The following DPP6 variants were observed in gnomAD, a reference collection of about 807,000 sequenced individuals.
DPP6 encodes dipeptidyl peptidase like 6.
Under a neutral mutation model 122.6 loss-of-function variants are expected in DPP6, and 69 were observed. That is an observed-to-expected ratio of 0.56 (90% confidence interval 0.46 to 0.69). The LOEUF is 0.69. Ranked by LOEUF, DPP6 falls within the 30% of genes least tolerant of loss-of-function variation. The pLI, the probability that DPP6 is intolerant of heterozygous loss-of-function variation, is 0.00. For missense variants in DPP6, 928 were observed against 1,116.9 expected (o/e 0.83, Z 2.41); for synonymous variants, 418 against 433.1 (o/e 0.97, Z 0.43).
In DPP6 at chr7:154,446,235, C is replaced by T; in HGVS notation, c.265C>T (p.Pro89Ser). 1.2e-6 allele frequency: 2 copies of T among 1,608,512 alleles called. No individual in the cohort carries two copies. The highest frequency in any genetic ancestry group is 1.7e-6 in the Non-Finnish European group (2 of 1,177,150). The part of the protein sequence containing the change: ...EEDELVGSNP[P>S]QRNWKGIAIA... The stretch of plus-strand genomic sequence containing the variant: ...TTAGGAGCTGGTGGGGAGTAACCCT[C>T]CGCAGAGGAATTGGAAAGGAATAGC... The change falls in exon 2 of 26, where the codon CCG becomes TCG. Residue 89 changes from proline (P) to serine (S), a missense_variant. Coordinates refer to ENST00000377770, the MANE Select transcript of DPP6 (RefSeq NM_130797.4).
rs753019770 is a variant in DPP6 at position 154,383,129 on chromosome 7, CAT to C, written c.244-63083_244-63082del. On this transcript the variant is annotated intron_variant, in intron 1 of 25. Transcript: ENST00000377770. ...AAATGAACCTGCTGACAAGGTGGAACATAATTCACAGACTACAGCTGTTATTA... is the reference window on the plus strand; with the variant it reads ...AAATGAACCTGCTGACAAGGTGGAACAATTCACAGACTACAGCTGTTATTA... 3.3e-5 allele frequency among the ~76,000 whole-genome samples: 5 copies of C among 152,314 alleles called. No individual in the cohort carries two copies. In the East Asian group the frequency reaches 7.7e-4, roughly 24 times the overall value.
At chr7:154,319,090 C>T (rs1057024657) in intron 1 of DPP6, among the ~76,000 whole-genome samples, 7 of 152,244 alleles carry the variant, frequency 4.6e-5, no homozygotes, top group African/African-American at 7.2e-5. Flanking sequence ...GAAGTCTGGA[C>T]ACCATGGAAT....
At chr7:154,698,602 A>C (rs1009267006) in intron 7 of DPP6, among the ~76,000 whole-genome samples, 5 of 152,210 alleles carry the variant, frequency 3.3e-5, no homozygotes, top group African/African-American at 1.2e-4. Context: ...TTCTATAGTT[A>C]ATTAAATTCA....
At chr7:154,301,870 T>C (rs1347295237) in intron 1 of DPP6, among the ~76,000 whole-genome samples, 1 of 136,100 alleles carries the variant, frequency 7.3e-6, no homozygotes, top group East Asian at 2.2e-4. Context: ...CAGGCTGGAG[T>C]GCAGTGGTGC....
intron 1 of DPP6, among the ~76,000 whole-genome samples, chr7:154,333,278 T>C (rs1809116016): frequency 6.6e-6 from 1 of 152,180 alleles, no homozygotes; most frequent in Non-Finnish European, 1.5e-5. Context: ...TGAGTGTTAT[T>C]GGACTTTGAT....
chr7:154,204,988 A>G (rs1358044220), intron 1 of DPP6, among the ~76,000 whole-genome samples: 1 of 152,182 alleles, frequency 6.6e-6, no homozygotes, highest in Middle Eastern at 3.2e-3. Flanking sequence ...CTTAGATCAT[A>G]GCCTGCTCCA....
intron 1 of DPP6, among the ~76,000 whole-genome samples, chr7:154,018,508 A>T (rs1485326500): frequency 6.6e-6 from 1 of 152,218 alleles, no homozygotes; most frequent in South Asian, 2.1e-4. Flanking sequence ...GGAACAGGCA[A>T]GTGTCCCTAT....
At chr7:154,081,654 AG>A (rs1174376251) in intron 1 of DPP6, among the ~76,000 whole-genome samples, 1 of 148,936 alleles carries the variant, frequency 6.7e-6, no homozygotes, top group Non-Finnish European at 1.5e-5. Context: ...GAGAAAATCA[AG>A]GGACGTCAAG....
At chr7:154,889,248 G>C in intron 23 of DPP6, 24 bp from the exon 24 acceptor site, 1 of 1,609,870 alleles carries the variant, frequency 6.2e-7, no homozygotes, top group Non-Finnish European at 8.5e-7. Context: ...CCCTAACTCT[G>C]TCCCCTTGCC....
At chr7:154,438,972 C>T (rs895904257) in intron 1 of DPP6, among the ~76,000 whole-genome samples, 3 of 152,112 alleles carry the variant, frequency 2.0e-5, no homozygotes, top group East Asian at 1.9e-4. Flanking sequence ...AGGGCAGCTC[C>T]GATCATTCTG....
intron 3 of DPP6, among the ~76,000 whole-genome samples, chr7:154,522,102 T>C (rs952274630): frequency 6.6e-6 from 1 of 152,136 alleles, no homozygotes; most frequent in Non-Finnish European, 1.5e-5. Flanking sequence ...TAGCTGGGAC[T>C]ACAGGCACCT....
rs186536386 is a variant in DPP6, at chr7:153,897,490, T to C, written c.51+9756T>C. Among the ~76,000 whole-genome samples, 185 of 152,348 alleles carry C rather than the reference T, an allele frequency of 1.2e-3. 1 individual carries two copies. In the East Asian group the frequency reaches 0.022, roughly 18 times the overall value. ...CTTAAGTTCGGAAGATACATATACA[T>C]ACCTCCATTGAACTTTCACCTACAG... On this transcript the variant is annotated intron_variant, in intron 1 of 25. Transcript: ENST00000404039.
At chr7:154,346,499 G>A (rs1051392584) in intron 1 of DPP6, among the ~76,000 whole-genome samples, 1 of 152,032 alleles carries the variant, frequency 6.6e-6, no homozygotes, top group South Asian at 2.1e-4. Context: ...TAGAGACGAG[G>A]TTTCACCATG....
At chr7:154,787,713 T>TA (rs1372545828) in intron 10 of DPP6, among the ~76,000 whole-genome samples, 3 of 152,202 alleles carry the variant, frequency 2.0e-5, no homozygotes, top group African/African-American at 7.2e-5. Context: ...TGTAAGGTGC[T>TA]AAAAAATGTA....
chr7:153,845,089 T>G, the DPP6 span, among the ~76,000 whole-genome samples: 2,735 of 152,300 alleles, frequency 0.018, 102 homozygotes, highest in African/African-American at 0.063. Context: ...GATTCTGTTT[T>G]GGGAATGATC....
chr7:154,307,856 A>G lies in DPP6; in HGVS notation c.244-138358A>G, dbSNP rs142081050. Reference sequence around the variant, plus strand: ...TGTGTAGGGAGACCAGGAAAGAGGAATATGTTTCTTTTTTTTTTTTTTTAA... The same window carrying G: ...TGTGTAGGGAGACCAGGAAAGAGGAGTATGTTTCTTTTTTTTTTTTTTTAA... On this transcript the variant is annotated intron_variant, in intron 1 of 25. Coordinates refer to ENST00000377770, the MANE Select transcript of DPP6 (RefSeq NM_130797.4). Among the ~76,000 whole-genome samples, 906 of 151,194 alleles carry G rather than the reference A, an allele frequency of 6.0e-3. 12 individuals are homozygous for G. Among genetic ancestry groups the G allele is most frequent in the African/African-American group, 0.021 (854 of 41,284 alleles).
intron 1 of DPP6, among the ~76,000 whole-genome samples, chr7:154,221,316 T>C (rs1326976243): frequency 6.6e-6 from 1 of 152,124 alleles, no homozygotes; most frequent in Non-Finnish European, 1.5e-5. Context: ...AATTTTTGTA[T>C]TTTTATTAGA....
rs114307216 is a variant in DPP6 at position 154,753,442 on chromosome 7, G to A, written c.884-15975G>A. Among the ~76,000 whole-genome samples the A allele has an allele frequency of 1.9e-3, 283 of 152,202 alleles. 2 individuals are homozygous for A. The Middle Eastern group carries it at 0.02, about 11-fold the overall frequency. On this transcript the variant is annotated intron_variant, in intron 8 of 25. Coordinates refer to ENST00000377770, the MANE Select transcript of DPP6 (RefSeq NM_130797.4). ...TCTGGGGAGCCATCATCCTCCACAGGAGACAGCGACCACCTGTGGATTTTT... is the reference window on the plus strand; with the variant it reads ...TCTGGGGAGCCATCATCCTCCACAGAAGACAGCGACCACCTGTGGATTTTT...
chr7:154,735,128 A>G (rs1328281221), intron 8 of DPP6, among the ~76,000 whole-genome samples: 1 of 152,244 alleles, frequency 6.6e-6, no homozygotes, highest in Non-Finnish European at 1.5e-5. Flanking sequence ...GTATGTTCAC[A>G]TAGAAAATGC....
Sources: gnomAD v4.1 joint callset for allele counts (sites outside exome capture counted in the v4.1 genomes callset) on GRCh38, gnomAD v4.1.1 for gene constraint, MANE v1.5 for transcripts, NCBI Gene and HGNC (gene_info 2026-07-23, HGNC 2026-07-21) for gene names.